The following PDRG1 variants were observed in gnomAD, a reference collection of about 807,000 sequenced individuals.
PDRG1 encodes the protein p53 and DNA damage regulated 1.
Under a neutral mutation model 18.4 loss-of-function variants are expected in PDRG1, and 14 were observed. The observed-to-expected ratio is 0.76, with a 90% CI of 0.50 to 1.19. PDRG1 has a LOEUF of 1.19. Among genes scored for constraint, PDRG1 ranks in the 50% most tolerant of loss-of-function variants. The probability of loss-of-function intolerance (pLI) is 0.00; values close to 1 mark genes in which losing one functional copy is unlikely to be tolerated. For synonymous variants in PDRG1, 65 were observed against 60.9 expected, an observed-to-expected ratio of 1.07 and a Z score of -0.31; for missense variants, 177 against 160.1, an observed-to-expected ratio of 1.11 and a Z score of -0.57.
intron 2 of PDRG1, among the ~76,000 whole-genome samples, chr20:31,950,080 A>G (rs1178285558): frequency 6.6e-6 from 1 of 152,250 alleles, no homozygotes; most frequent in African/African-American, 2.4e-5. Flanking sequence ...GCCATCGTTG[A>G]TAAGCCAGGA....
intron 1 of PDRG1, among the ~76,000 whole-genome samples, chr20:31,951,533 G>C (rs1306086143): frequency 1.3e-5 from 2 of 152,120 alleles, no homozygotes; most frequent in Non-Finnish European, 2.9e-5. Flanking sequence ...GGCCCCCTCA[G>C]GCTTCTTTTC....
chr20:31,947,627 C>T (rs1051094755), intron 3 of PDRG1, among the ~76,000 whole-genome samples: 6 of 152,200 alleles, frequency 3.9e-5, no homozygotes, highest in East Asian at 1.9e-4. Flanking sequence ...CAGTGGCTCA[C>T]GCCTGTAATC....
rs1454292087 is a variant in PDRG1 at position 31,951,862 on chromosome 20, A to AG, written c.87+12dup. ...CGGCCGCCAGGCCCCAGCGCCGCGG[A>AG]GGGGCCTCTCACCTGCCGCTTGTCC... On this transcript the variant is annotated intron_variant, in intron 1 of 4. Coordinates refer to ENST00000202017, the MANE Select transcript of PDRG1 (RefSeq NM_030815.3). The AG allele has an allele frequency of 9.6e-6, 15 of 1,565,560 alleles. No homozygotes were observed. The highest frequency in any genetic ancestry group is 1.3e-5 in the Non-Finnish European group (15 of 1,158,412).
At chr20:31,947,359 A>G (rs1031847504) in intron 3 of PDRG1, among the ~76,000 whole-genome samples, 5 of 152,194 alleles carry the variant, frequency 3.3e-5, no homozygotes, top group African/African-American at 1.2e-4. Context: ...TGTTTAGCCT[A>G]TGTTGATCCC....
chr20:31,951,799 G>C, intron 1 of PDRG1, 76 bp downstream of exon 1: 1 of 1,461,870 alleles, frequency 6.8e-7, no homozygotes, highest in South Asian at 1.3e-5. Context: ...GCCTGTCCAG[G>C]TCAACTCACT....
chr20:31,947,684 C>T (rs1239360267), intron 3 of PDRG1, among the ~76,000 whole-genome samples: 2 of 152,096 alleles, frequency 1.3e-5, no homozygotes, highest in Non-Finnish European at 2.9e-5. Context: ...CCTGAGGTCA[C>T]TTAGACCAGC....
intron 3 of PDRG1, among the ~76,000 whole-genome samples, chr20:31,948,605 T>C (rs1166973218): frequency 6.8e-6 from 1 of 147,826 alleles, no homozygotes; most frequent in Non-Finnish European, 1.5e-5. Context: ...ACTGCACAGC[T>C]ATGCTACACA....
At chr20:31,949,009 T>C in intron 2 of PDRG1, 127 bp from the exon 3 acceptor site, 1 of 754,994 alleles carries the variant, frequency 1.3e-6, no homozygotes, top group Non-Finnish European at 2.2e-6. Context: ...GAGCTTATGT[T>C]ACAGTGGAGG....
At chr20:31,947,705 T>C (rs754512070) in intron 3 of PDRG1, among the ~76,000 whole-genome samples, 3 of 152,052 alleles carry the variant, frequency 2.0e-5, no homozygotes, top group African/African-American at 2.4e-5. Flanking sequence ...CTGGCCAACA[T>C]AGCAAAACCC....
chr20:31,946,555 T>A lies in PDRG1; in HGVS notation c.260A>T (p.Glu87Val). 1 of 1,613,082 alleles carries A rather than the reference T, an allele frequency of 6.2e-7. No individual in the cohort carries two copies. The highest frequency in any genetic ancestry group is 8.5e-7 in the Non-Finnish European group (1 of 1,179,086). Residue 87 changes from glutamate to valine, a missense_variant, in exon 4 of 5, where the codon GAA (glutamate) becomes GTA (valine). Glu to Val is a moderately radical substitution (Grantham distance 121). Transcript: ENST00000202017. ...IEKDQDHLDK[E>V]IEKLRKQLKV... ...AAGTTGCTTCCGCAGTTTTTCTATTTCTTTATCCAGATGATCTTGATCTGA... is the reference window on the plus strand; with the variant it reads ...AAGTTGCTTCCGCAGTTTTTCTATTACTTTATCCAGATGATCTTGATCTGA...
Position 31,946,498 on chromosome 20 carries a change from T to G in PDRG1, c.317A>C (p.Gln106Pro). The change falls in exon 4 of 5, where the codon CAA becomes CCA. Residue 106 changes from glutamine to proline, a missense_variant and splice_region_variant. Transcript: ENST00000202017. ...KVKVNRLFEAQGKPELKGFNL... is the reference protein window; with the variant it reads ...KVKVNRLFEAPGKPELKGFNL... ...TCCAGTCCCTGCTAAGCCAATACCT[T>G]GGGCCTCAAAAAGGCGGTTGACCTT... 1 of 1,603,220 alleles carries G rather than the reference T, an allele frequency of 6.2e-7. No homozygotes were observed. Among genetic ancestry groups the G allele is most frequent in the Non-Finnish European group, 8.5e-7 (1 of 1,170,118 alleles).
In PDRG1 at chr20:31,945,471, C is replaced by T. The variant is rs571200793; in HGVS notation, c.*336G>A. On this transcript the variant is annotated 3_prime_UTR_variant, in exon 5 of 5. Coordinates refer to ENST00000202017, the MANE Select transcript of PDRG1 (RefSeq NM_030815.3). ...CCTCCCTCCTTCCTTGCTCAGGGTC[C>T]ATGTGAACAGCAGGCCATTGTTGGG... 4.6e-6 allele frequency: 1 copy of T among 216,360 alleles called. No individual in the cohort carries two copies. Among genetic ancestry groups the T allele is most frequent in the South Asian group, 9.4e-5 (1 of 10,666 alleles). 13.4% of individuals were successfully genotyped at this position (216,360 alleles called of 1,614,324 possible).
chr20:31,945,845 C>T lies in PDRG1; in HGVS notation c.364G>A (p.Asp122Asn). 6.2e-7 allele frequency: 1 copy of T among 1,613,984 alleles called. No individual in the cohort carries two copies. Among genetic ancestry groups the T allele is most frequent in the Non-Finnish European group, 8.5e-7 (1 of 1,179,992 alleles). The change falls in exon 5 of 5, where the codon GAT becomes AAT. Residue 122 changes from aspartate (D) to asparagine (N), a missense_variant. Coordinates refer to ENST00000202017, the MANE Select transcript of PDRG1 (RefSeq NM_030815.3). ...ATGACCTTGAGAGCTTTAAGCTCAT[C>T]CTGGTTGAGGGGGTTCAAGTTAAAA... ...KGFNLNPLNQ[D>N]ELKALKVILK...
chr20:31,945,384 C>T lies in PDRG1; in HGVS notation c.*423G>A. ...CTGCTTTATTCCAATCGCATGGCAC[C>T]AGCCTGAAAACCTCTCTCCCTTCTG... is the stretch of plus-strand genomic sequence containing the variant. On this transcript the variant is annotated 3_prime_UTR_variant, in exon 5 of 5. Transcript: ENST00000202017. The T allele has an allele frequency of 6.3e-6, 1 of 158,082 alleles. No homozygotes were observed. Among genetic ancestry groups the T allele is most frequent in the Non-Finnish European group, 1.4e-5 (1 of 71,634 alleles). 9.8% of individuals were successfully genotyped at this position (158,082 alleles called of 1,614,324 possible).
intron 4 of PDRG1, 47 bp from the exon 5 acceptor site, chr20:31,945,936 C>G: frequency 6.6e-7 from 1 of 1,526,410 alleles, no homozygotes; most frequent in South Asian, 1.1e-5. Context: ...CCTGCTGGCT[C>G]TGGAGCCAGG....
intron 4 of PDRG1, among the ~76,000 whole-genome samples, chr20:31,946,171 C>T: frequency 6.6e-6 from 1 of 152,282 alleles, no homozygotes; most frequent in African/African-American, 2.4e-5. Flanking sequence ...CAGCTCTGAC[C>T]TCACTCACTC....
intron 3 of PDRG1, among the ~76,000 whole-genome samples, chr20:31,948,428 G>A (rs986748940): frequency 6.6e-6 from 1 of 152,228 alleles, no homozygotes; most frequent in African/African-American, 2.4e-5. Flanking sequence ...CCACTGCTGG[G>A]CATCTATGCC....
chr20:31,951,980 T>A lies in PDRG1; in HGVS notation c.-19A>T. ...ATAGCATAGCGCCCACCAACTCCGCTTGCGGCTCTCGCGCGACCCCGGGAT... is the reference window on the plus strand; with the variant it reads ...ATAGCATAGCGCCCACCAACTCCGCATGCGGCTCTCGCGCGACCCCGGGAT... On this transcript the variant is annotated 5_prime_UTR_variant, in exon 1 of 5. The change creates a new upstream start codon in the 5' untranslated region. Transcript: ENST00000202017. The A allele has an allele frequency of 6.5e-7, 1 of 1,539,432 alleles. No homozygotes were observed. Among genetic ancestry groups the A allele is most frequent in the Non-Finnish European group, 8.7e-7 (1 of 1,145,248 alleles).
At chr20:31,946,226 A>G (rs1439379219) in intron 4 of PDRG1, among the ~76,000 whole-genome samples, 2 of 152,154 alleles carry the variant, frequency 1.3e-5, no homozygotes, top group Non-Finnish European at 2.9e-5. Flanking sequence ...TCTGATCCCC[A>G]TGCCATGCCC....
Sources: gnomAD v4.1 joint callset for allele counts (sites outside exome capture counted in the v4.1 genomes callset) on GRCh38, gnomAD v4.1.1 for gene constraint, MANE v1.5 for transcripts, NCBI Gene and HGNC (gene_info 2026-07-23, HGNC 2026-07-21) for gene names.